RYK: variants seen among roughly 807,000 people sequenced by gnomAD.
RYK encodes the protein receptor like tyrosine kinase.
A neutral mutation model predicts 70.2 loss-of-function variants in RYK; 21 were observed. The observed-to-expected ratio is 0.30, with a 90% CI of 0.21 to 0.43. The LOEUF (loss-of-function observed/expected upper bound fraction) is 0.43. Among genes scored for constraint, RYK ranks in the 20% least tolerant of loss-of-function variants. RYK has a pLI of 1.00. For missense variants in RYK, 604 were observed against 753.3 expected, an observed-to-expected ratio of 0.80 and a Z score of 2.32; for synonymous variants, 267 against 278.0, an observed-to-expected ratio of 0.96 and a Z score of 0.39.
chr3:134,220,683 T>C (rs1199356023), intron 2 of RYK, among the ~76,000 whole-genome samples: 1 of 152,202 alleles, frequency 6.6e-6, no homozygotes, highest in Non-Finnish European at 1.5e-5. Context: ...TATATGTACA[T>C]ATACACACAC....
At chr3:134,246,626 C>T (rs905438731) in intron 1 of RYK, among the ~76,000 whole-genome samples, 1 of 152,018 alleles carries the variant, frequency 6.6e-6, no homozygotes, top group African/African-American at 2.4e-5. Flanking sequence ...AATATGCCAT[C>T]AAAATTATGA....
chr3:134,190,089 T>C (rs1228227754), intron 8 of RYK, among the ~76,000 whole-genome samples: 5 of 152,244 alleles, frequency 3.3e-5, no homozygotes, highest in African/African-American at 9.6e-5. Flanking sequence ...CAGGTTTCAC[T>C]GTGGCCTAGA....
At chr3:134,201,013 C>T (rs929762315) in intron 6 of RYK, among the ~76,000 whole-genome samples, 3 of 152,238 alleles carry the variant, frequency 2.0e-5, no homozygotes, top group African/African-American at 4.8e-5. Flanking sequence ...AGCCCTAGCA[C>T]GCATGCAAGC....
At chr3:134,240,015 C>T (rs186118312) in intron 1 of RYK, among the ~76,000 whole-genome samples, 144 of 152,180 alleles carry the variant, frequency 9.5e-4, no homozygotes, top group African/African-American at 3.3e-3. Flanking sequence ...CAGGGAGGGG[C>T]AGGGATAAGA....
chr3:134,244,883 G>C (rs1576540108), intron 1 of RYK, among the ~76,000 whole-genome samples: 1 of 152,276 alleles, frequency 6.6e-6, no homozygotes, highest in East Asian at 1.9e-4. Flanking sequence ...TCATGAATGG[G>C]ATTAGAGCCC....
At position 134,202,660 on chromosome 3, in the gene RYK, G is replaced by A; in HGVS notation, c.788+70C>T. The A allele has an allele frequency of 2.2e-6, 3 of 1,379,240 alleles. No individual in the cohort carries two copies. In the South Asian group the frequency reaches 3.8e-5, roughly 18 times the overall value. The allele number at this position is 1,379,240 out of a possible 1,614,324, so 85.4% of individuals were successfully genotyped here. On this transcript the variant is annotated intron_variant, in intron 6 of 14. Coordinates refer to ENST00000623711, the MANE Select transcript of RYK (RefSeq NM_002958.4). ...TTTCCCTGCACCACTGTGCATCGAT[G>A]TGTATGGGCTCCCACATATATACAA...
chr3:134,238,650 C>T (rs1266923584), intron 1 of RYK, among the ~76,000 whole-genome samples: 2 of 152,106 alleles, frequency 1.3e-5, no homozygotes, highest in Admixed American at 6.5e-5. Context: ...AGGAAGTAAA[C>T]ATGATATGTC....
intron 13 of RYK, among the ~76,000 whole-genome samples, chr3:134,164,736 G>A (rs2012600345): frequency 6.6e-6 from 1 of 152,184 alleles, no homozygotes; most frequent in Non-Finnish European, 1.5e-5. Flanking sequence ...GTAAGAACAT[G>A]TTTTCATTTA....
intron 13 of RYK, among the ~76,000 whole-genome samples, chr3:134,163,649 T>A (rs2012559483): frequency 6.6e-6 from 1 of 152,214 alleles, no homozygotes; most frequent in Admixed American, 6.5e-5. Context: ...AGCTACTGAA[T>A]TAAGACATTT....
At chr3:134,165,858 C>T (rs1559999127) in intron 13 of RYK, among the ~76,000 whole-genome samples, 6 of 152,288 alleles carry the variant, frequency 3.9e-5, no homozygotes, top group African/African-American at 1.4e-4. Flanking sequence ...TTTTGAAGCA[C>T]ATAACTTATT....
intron 2 of RYK, among the ~76,000 whole-genome samples, chr3:134,215,652 C>T (rs959715810): frequency 2.0e-5 from 3 of 152,176 alleles, no homozygotes; most frequent in African/African-American, 7.2e-5. Flanking sequence ...AGAAACAGAT[C>T]TGCTCAAAAG....
chr3:134,185,957 G>A (rs2013445355), intron 9 of RYK, among the ~76,000 whole-genome samples: 1 of 152,126 alleles, frequency 6.6e-6, no homozygotes, highest in African/African-American at 2.4e-5. Context: ...CGTTTTCTTG[G>A]ATTCCTTTCC....
At chr3:134,232,187 T>C (rs140211641) in intron 1 of RYK, among the ~76,000 whole-genome samples, 43 of 152,312 alleles carry the variant, frequency 2.8e-4, no homozygotes, top group African/African-American at 8.9e-4. Context: ...TCCCATTCTA[T>C]TGTACCAATC....
At chr3:134,236,459 C>G (rs2015203120) in intron 1 of RYK, among the ~76,000 whole-genome samples, 1 of 152,140 alleles carries the variant, frequency 6.6e-6, no homozygotes, top group African/African-American at 2.4e-5. Context: ...CACCCATGTT[C>G]ATGGACTGGA....
chr3:134,195,251 T>C (rs767383795), intron 6 of RYK, 69 bp from the exon 7 acceptor site: 3 of 1,116,406 alleles, frequency 2.7e-6, no homozygotes, highest in Non-Finnish European at 4.1e-6. Context: ...TTTCCATACA[T>C]ACAAAATGCA....
At chr3:134,211,685 C>T in intron 2 of RYK, 78 bp from the exon 3 acceptor site, 1 of 921,682 alleles carries the variant, frequency 1.1e-6, no homozygotes, top group Non-Finnish European at 1.7e-6. Flanking sequence ...CATTAATTGG[C>T]TCATTAATCA....
intron 13 of RYK, among the ~76,000 whole-genome samples, chr3:134,169,057 T>G (rs189654242): frequency 1.3e-5 from 2 of 152,294 alleles, no homozygotes; most frequent in Middle Eastern, 3.4e-3. Flanking sequence ...ATAAATAATG[T>G]AAAGGCACAA....
At chr3:134,221,202 T>C (rs1355817840) in intron 2 of RYK, among the ~76,000 whole-genome samples, 5 of 63,972 alleles carry the variant, frequency 7.8e-5, no homozygotes, top group South Asian at 6.7e-4. Flanking sequence ...TTTTCTTTTT[T>C]TTTTTTTTTT....
At chr3:134,175,545 A>G (rs1186589628) in intron 13 of RYK, 64 bp downstream of exon 13, 2 of 1,536,696 alleles carry the variant, frequency 1.3e-6, no homozygotes, top group Middle Eastern at 2.4e-4. Context: ...TAAAAATAGT[A>G]GAACATTTAA....
Sources: allele counts gnomAD v4.1 joint callset (sites outside exome capture counted in the v4.1 genomes callset), GRCh38; gene constraint gnomAD v4.1.1; transcripts MANE v1.5; gene names NCBI Gene and HGNC (gene_info 2026-07-23, HGNC 2026-07-21).